TMEM161B: variants seen among roughly 807,000 people sequenced by gnomAD.
The protein encoded by TMEM161B is transmembrane protein 161B.
In TMEM161B, 34 loss-of-function variants were observed where a neutral mutation model predicts 61.8. The ratio of observed to expected loss-of-function variants is 0.55; its 90% CI spans 0.42 to 0.73. The LOEUF is 0.73. TMEM161B is among the 30% of genes least tolerant of loss of function. TMEM161B has a pLI of 0.00. For synonymous variants in TMEM161B, 167 were observed against 192.8 expected, an observed-to-expected ratio of 0.87 and a Z score of 1.11; for missense variants, 456 against 558.5, an observed-to-expected ratio of 0.82 and a Z score of 1.85.
At position 88,206,508 on chromosome 5, in the gene TMEM161B, G is replaced by T. The variant is rs357515; in HGVS notation, c.599-9C>A. On this transcript the variant is annotated splice_polypyrimidine_tract_variant and intron_variant, in intron 6 of 11. Coordinates refer to ENST00000296595, the MANE Select transcript of TMEM161B (RefSeq NM_153354.5). ...TGAAAAATTTGTAAACCCTGTGGGG[G>T]AAAAAAAAAAAAACAACAGATTACT... The T allele has an allele frequency of 5.4e-6, 7 of 1,307,886 alleles. No homozygotes were observed. The highest frequency in any genetic ancestry group is 2.6e-5 in the East Asian group (1 of 38,194). The allele number at this position is 1,307,886 out of a possible 1,614,324, so 81.0% of individuals were successfully genotyped here. A position where few individuals can be genotyped will look rare whatever the true frequency, so the allele number is the denominator to read the frequency against.
intron 2 of TMEM161B, among the ~76,000 whole-genome samples, chr5:88,232,665 C>T (rs1230013780): frequency 6.6e-6 from 1 of 152,124 alleles, no homozygotes; most frequent in Non-Finnish European, 1.5e-5. Flanking sequence ...GCTCTGCCTC[C>T]CGGGTTCATG....
downstream of TMEM161B, among the ~76,000 whole-genome samples, chr5:88,191,982 GTATATA>G (rs67658909): frequency 0.089 from 1,734 of 19,508 alleles, 117 homozygotes; most frequent in Middle Eastern, 0.38. Context: ...AAAAAAAAGT[GTATATA>G]TATATATATA....
intron 4 of TMEM161B, among the ~76,000 whole-genome samples, chr5:88,225,122 C>T (rs745695552): frequency 1.9e-4 from 29 of 152,108 alleles, no homozygotes; most frequent in Admixed American, 4.6e-4. Flanking sequence ...CGCCTGCCAC[C>T]ACGCCTGGCT....
chr5:88,196,508 A>T lies in TMEM161B; in HGVS notation c.1187-20T>A. ...GATTACCTAGAAAATCAAAGACACA[A>T]ATACAATTTGAAGAGTAACTAATTA... On this transcript the variant is annotated intron_variant, in intron 11 of 11. Coordinates refer to ENST00000296595, the MANE Select transcript of TMEM161B (RefSeq NM_153354.5). The T allele has an allele frequency of 2.6e-6, 4 of 1,547,014 alleles. No homozygotes were observed. The highest frequency in any genetic ancestry group is 3.5e-6 in the Non-Finnish European group (4 of 1,152,644).
At chr5:88,243,468 TACC>T (rs1753078539) in intron 1 of TMEM161B, among the ~76,000 whole-genome samples, 1 of 151,898 alleles carries the variant, frequency 6.6e-6, no homozygotes, top group African/African-American at 2.4e-5. Context: ...ATGTATTTAA[TACC>T]ACATTTTCTT....
chr5:88,202,377 G>C (rs939870060), intron 9 of TMEM161B: 1 of 222,382 alleles, frequency 4.5e-6, no homozygotes, highest in Non-Finnish European at 9.2e-6. Context: ...TAATATTAAG[G>C]TATTAGTATT....
intron 2 of TMEM161B, among the ~76,000 whole-genome samples, chr5:88,240,466 G>A (rs67808740): frequency 0.12 from 18,190 of 151,686 alleles, 1,771 homozygotes; most frequent in African/African-American, 0.27. Flanking sequence ...GTAGGGGTGG[G>A]AGGACTGAAT....
At chr5:88,206,810 A>G (rs1356040382) in intron 6 of TMEM161B, among the ~76,000 whole-genome samples, 1 of 152,100 alleles carries the variant, frequency 6.6e-6, no homozygotes, top group East Asian at 1.9e-4. Flanking sequence ...AAAAAACGAG[A>G]CAGTATTTTT....
intron 1 of TMEM161B, among the ~76,000 whole-genome samples, chr5:88,255,107 G>A (rs1372689127): frequency 1.3e-5 from 2 of 152,164 alleles, no homozygotes; most frequent in African/African-American, 4.8e-5. Flanking sequence ...AGAAACTTGA[G>A]AAGAAAAGTG....
intron 1 of TMEM161B, among the ~76,000 whole-genome samples, chr5:88,247,394 T>C (rs1385357515): frequency 6.6e-6 from 1 of 152,044 alleles, no homozygotes; most frequent in African/African-American, 2.4e-5. Flanking sequence ...TGCTGACAGA[T>C]CAAAACAAAG....
At chr5:88,225,715 C>T in intron 4 of TMEM161B, 54 bp downstream of exon 4, 2 of 1,150,106 alleles carry the variant, frequency 1.7e-6, no homozygotes, top group South Asian at 1.3e-5. Flanking sequence ...AGTACTTTCA[C>T]TACTATAATA....
chr5:88,245,710 T>C (rs1012173249), intron 1 of TMEM161B, among the ~76,000 whole-genome samples: 2 of 151,948 alleles, frequency 1.3e-5, no homozygotes, highest in Non-Finnish European at 2.9e-5. Context: ...AGGCAGTATA[T>C]AAACTGGGGA....
rs539101157 is a variant in TMEM161B, at chr5:88,206,124, A to C, written c.660-170T>G. On this transcript the variant is annotated intron_variant, in intron 7 of 11. Transcript: ENST00000296595. ...CCTATAATGGATTCTGGTGAACTGT[A>C]AACTAAATGAGGCATCTCTTTAGTC... is the stretch of plus-strand genomic sequence containing the variant. Among the ~76,000 whole-genome samples, 3 of 152,288 alleles carry C rather than the reference A, an allele frequency of 2.0e-5. No individual in the cohort carries two copies. In the East Asian group the frequency reaches 5.8e-4, roughly 29 times the overall value.
At chr5:88,197,600 G>T in intron 11 of TMEM161B, 69 bp downstream of exon 11, 2 of 1,276,368 alleles carry the variant, frequency 1.6e-6, no homozygotes, top group Non-Finnish European at 2.2e-6. Flanking sequence ...TTCTTTGTTG[G>T]TGACAAAAAG....
chr5:88,234,967 G>A (rs748603966), intron 2 of TMEM161B, among the ~76,000 whole-genome samples: 2 of 151,976 alleles, frequency 1.3e-5, no homozygotes, highest in African/African-American at 4.8e-5. Flanking sequence ...CTTTTACTTT[G>A]GCTACTTGGT....
chr5:88,206,702 G>C (rs1406241619), intron 6 of TMEM161B, among the ~76,000 whole-genome samples: 1 of 151,878 alleles, frequency 6.6e-6, no homozygotes, highest in Admixed American at 6.6e-5. Flanking sequence ...ACGTCCCTTT[G>C]ATATTTGTAC....
chr5:88,255,535 G>C (rs903837470), intron 1 of TMEM161B, among the ~76,000 whole-genome samples: 3 of 152,120 alleles, frequency 2.0e-5, no homozygotes, highest in African/African-American at 7.2e-5. Context: ...TAATTGTCTT[G>C]ACCTACAAAA....
chr5:88,266,210 C>A (rs1221603652), intron 1 of TMEM161B, among the ~76,000 whole-genome samples: 7 of 152,100 alleles, frequency 4.6e-5, no homozygotes, highest in Non-Finnish European at 1.0e-4. Context: ...AGAATGAGAG[C>A]ACAGAATTAG....
chr5:88,204,384 G>C (rs1223017040), intron 8 of TMEM161B, among the ~76,000 whole-genome samples: 3 of 152,034 alleles, frequency 2.0e-5, no homozygotes, highest in Non-Finnish European at 4.4e-5. Context: ...TACTAAAAAG[G>C]ACACTAAAAT....
Sources: gnomAD v4.1 joint callset for allele counts (sites outside exome capture counted in the v4.1 genomes callset) on GRCh38, gnomAD v4.1.1 for gene constraint, MANE v1.5 for transcripts, NCBI Gene and HGNC (gene_info 2026-07-23, HGNC 2026-07-21) for gene names.